The following METTL8 variants were observed in gnomAD, a reference collection of about 807,000 sequenced individuals.
METTL8 encodes methyltransferase 8, tRNA N3-cytidine.
METTL8 carries 32 observed loss-of-function variants against 48.7 expected under a neutral mutation model. The ratio of observed to expected loss-of-function variants is 0.66; its 90% CI spans 0.50 to 0.88. The LOEUF is 0.88. Ranked by LOEUF, METTL8 falls within the 40% of genes least tolerant of loss-of-function variation. METTL8 has a pLI of 0.00. For synonymous variants in METTL8, 136 were observed against 157.1 expected (o/e 0.87, Z 1.01); for missense variants, 464 against 474.4 (o/e 0.98, Z 0.20).
At chr2:171,415,916 G>T (rs184738881) in intron 1 of METTL8, among the ~76,000 whole-genome samples, 1 of 152,258 alleles carries the variant, frequency 6.6e-6, no homozygotes, top group East Asian at 1.9e-4. Flanking sequence ...GATGATTATG[G>T]ATGCTGATTA....
At chr2:171,385,966 C>T (rs142917947) in intron 2 of METTL8, among the ~76,000 whole-genome samples, 173 of 152,294 alleles carry the variant, frequency 1.1e-3, no homozygotes, top group African/African-American at 4.1e-3. Context: ...ACTAAAAGAG[C>T]CTTTTCAAGT....
At chr2:171,333,100 C>CTT (rs11427651) in intron 5 of METTL8, among the ~76,000 whole-genome samples, 69 of 143,118 alleles carry the variant, frequency 4.8e-4, no homozygotes, top group East Asian at 1.6e-3. Flanking sequence ...TTTTTCTTTT[C>CTT]TTTTTTTTTT....
At chr2:171,381,896 C>T (rs1032166856) in intron 2 of METTL8, among the ~76,000 whole-genome samples, 19 of 151,786 alleles carry the variant, frequency 1.3e-4, no homozygotes, top group African/African-American at 4.4e-4. Flanking sequence ...ATTCTCCTAC[C>T]TCAGCCTCCT....
At chr2:171,396,855 T>C (rs1689114212) in intron 1 of METTL8, among the ~76,000 whole-genome samples, 1 of 152,004 alleles carries the variant, frequency 6.6e-6, no homozygotes, top group Admixed American at 6.5e-5. Flanking sequence ...TTCTATCTTT[T>C]TTTTTTTTTC....
chr2:171,360,626 C>G, intron 2 of METTL8, 113 bp from the exon 3 acceptor site: 1 of 828,748 alleles, frequency 1.2e-6, no homozygotes. Context: ...ATGATACAGA[C>G]TAATTCCACA....
At chr2:171,403,436 C>A (rs1303564410) in intron 1 of METTL8, among the ~76,000 whole-genome samples, 1 of 151,974 alleles carries the variant, frequency 6.6e-6, no homozygotes, top group African/African-American at 2.4e-5. Context: ...TCAAGGTCAT[C>A]AAAAACAAAG....
intron 9 of METTL8, among the ~76,000 whole-genome samples, chr2:171,324,974 GGTAATCTCAGCTACTTGGGAGGCT>G (rs1250148466): frequency 1.7e-4 from 26 of 151,636 alleles, no homozygotes; most frequent in East Asian, 1.2e-3. Context: ...CGTGGAGGTA[GGTAATCTCAGCTACTTGGGAGGCT>G]GTAATCCCAG....
At chr2:171,327,210 G>A (rs1261756405) in intron 7 of METTL8, 2 of 152,120 alleles carry the variant, frequency 1.3e-5, no homozygotes, top group Non-Finnish European at 2.9e-5. Context: ...TACTTATTTG[G>A]CTTCCAGTCA....
chr2:171,372,479 T>TTTA (rs376069568), intron 2 of METTL8, among the ~76,000 whole-genome samples: 147 of 151,142 alleles, frequency 9.7e-4, no homozygotes, highest in East Asian at 2.9e-3. Context: ...ATAATTTCTT[T>TTTA]TTATTATTAT....
At chr2:171,428,570 T>A (rs1692654766) in intron 1 of METTL8, among the ~76,000 whole-genome samples, 1 of 152,244 alleles carries the variant, frequency 6.6e-6, no homozygotes, top group Non-Finnish European at 1.5e-5. Context: ...ATTCATTTAT[T>A]CAACATACAT....
chr2:171,372,818 T>A (rs1012492144), intron 2 of METTL8, among the ~76,000 whole-genome samples: 5 of 152,286 alleles, frequency 3.3e-5, no homozygotes, highest in African/African-American at 9.6e-5. Context: ...TGAACTCATC[T>A]TTTTTTATGG....
intron 3 of METTL8, among the ~76,000 whole-genome samples, chr2:171,344,668 A>C (rs1455038965): frequency 6.6e-6 from 1 of 152,214 alleles, no homozygotes; most frequent in Non-Finnish European, 1.5e-5. Context: ...CTCTATGAGA[A>C]TATATGGGTT....
At chr2:171,387,158 T>A in intron 2 of METTL8, among the ~76,000 whole-genome samples, 1 of 152,162 alleles carries the variant, frequency 6.6e-6, no homozygotes, top group Non-Finnish European at 1.5e-5. Context: ...GGGGTATAAC[T>A]GAGCTAACAC....
intron 3 of METTL8, among the ~76,000 whole-genome samples, chr2:171,341,069 C>T (rs2105423891): frequency 6.6e-6 from 1 of 152,286 alleles, no homozygotes; most frequent in South Asian, 2.1e-4. Context: ...ATGGCTCATG[C>T]CTGTAATCCC....
chr2:171,338,053 TAAA>T (rs1178230085), intron 4 of METTL8, among the ~76,000 whole-genome samples: 1 of 152,154 alleles, frequency 6.6e-6, no homozygotes, highest in Non-Finnish European at 1.5e-5. Context: ...CAATATGTTT[TAAA>T]AGTATTAAAA....
At chr2:171,394,383 T>C (rs559293827) in intron 1 of METTL8, among the ~76,000 whole-genome samples, 54 of 151,550 alleles carry the variant, frequency 3.6e-4, no homozygotes, top group African/African-American at 1.2e-3. Flanking sequence ...CTCATCTATA[T>C]ATAGAAGAGG....
intron 4 of METTL8, among the ~76,000 whole-genome samples, chr2:171,338,714 T>G (rs1283975340): frequency 1.3e-5 from 2 of 151,878 alleles, no homozygotes; most frequent in Non-Finnish European, 2.9e-5. Flanking sequence ...GTAGGATTGG[T>G]GATAAATTAT....
intron 5 of METTL8, among the ~76,000 whole-genome samples, chr2:171,335,511 A>ACCT (rs1424133544): frequency 6.6e-6 from 1 of 151,818 alleles, no homozygotes; most frequent in Non-Finnish European, 1.5e-5. Context: ...TGCAACCTCC[A>ACCT]CCTCCTGGGT....
At chr2:171,407,572 A>T (rs1250256444) in intron 1 of METTL8, among the ~76,000 whole-genome samples, 1 of 152,238 alleles carries the variant, frequency 6.6e-6, no homozygotes, top group Non-Finnish European at 1.5e-5. Flanking sequence ...CAAAAGCTAA[A>T]ACATGGACTC....
Sources: allele counts gnomAD v4.1 joint callset (sites outside exome capture counted in the v4.1 genomes callset), GRCh38; gene constraint gnomAD v4.1.1; transcripts MANE v1.5; gene names NCBI Gene and HGNC (gene_info 2026-07-23, HGNC 2026-07-21).